CADM2: variants seen among roughly 807,000 people sequenced by gnomAD.
CADM2 encodes cell adhesion molecule 2, also known as immunoglobulin superfamily member 4D.
A neutral mutation model predicts 49.8 loss-of-function variants in CADM2; 12 were observed. That is an observed-to-expected ratio of 0.24 (90% confidence interval 0.15 to 0.39). The LOEUF (loss-of-function observed/expected upper bound fraction) is 0.39, where lower values mean the gene tolerates loss of function less well. CADM2 is among the 10% of genes least tolerant of loss of function. The pLI, the probability that CADM2 is intolerant of heterozygous loss-of-function variation, is 1.00. For synonymous variants in CADM2, 214 were observed against 175.4 expected (o/e 1.22, Z -1.74); for missense variants, 378 against 492.3 (o/e 0.77, Z 2.20).
At chr3:85,305,018 C>G (rs1177811189) in intron 1 of CADM2, among the ~76,000 whole-genome samples, 1 of 151,646 alleles carries the variant, frequency 6.6e-6, no homozygotes, top group African/African-American at 2.4e-5. Context: ...TAGCAATTGA[C>G]AGTTTACAGA....
chr3:85,645,079 ATTC>A (rs1694828293), intron 1 of CADM2, among the ~76,000 whole-genome samples: 1 of 152,098 alleles, frequency 6.6e-6, no homozygotes, highest in South Asian at 2.1e-4. Flanking sequence ...TTATAAGCCC[ATTC>A]TTCTCTTTTC....
chr3:85,530,915 A>C lies in CADM2; in HGVS notation c.62-195607A>C, dbSNP rs867026553. 4.2e-3 allele frequency among the ~76,000 whole-genome samples: 426 copies of C among 102,444 alleles called. 1 individual carries two copies. The highest frequency in any genetic ancestry group is 0.027 in the Middle Eastern group (6 of 224). The allele number at this position is 102,444 out of a possible 152,430, so 67.2% of individuals were successfully genotyped here. Reference sequence around the variant, plus strand: ...ACACACACACACACACACACACACAAAATTCATTATTGTGGAATGTCAGGG... The same window carrying C: ...ACACACACACACACACACACACACACAATTCATTATTGTGGAATGTCAGGG... On this transcript the variant is annotated intron_variant, in intron 1 of 9. Coordinates refer to ENST00000383699, the MANE Select transcript of CADM2 (RefSeq NM_001167675.2).
intron 1 of CADM2, among the ~76,000 whole-genome samples, chr3:85,685,992 G>T (rs1342159171): frequency 6.6e-6 from 1 of 152,128 alleles, no homozygotes; most frequent in East Asian, 1.9e-4. Flanking sequence ...GATTTTACGT[G>T]GCTATAGAGA....
chr3:85,017,721 T>G (rs1478385832), intron 1 of CADM2, among the ~76,000 whole-genome samples: 1 of 152,196 alleles, frequency 6.6e-6, no homozygotes, highest in African/African-American at 2.4e-5. Flanking sequence ...CTTGGGAACA[T>G]AATACATTTC....
chr3:85,747,250 A>G (rs2068653880), intron 2 of CADM2, among the ~76,000 whole-genome samples: 2 of 152,070 alleles, frequency 1.3e-5, no homozygotes, highest in Admixed American at 6.6e-5. Context: ...TGCATTCTTC[A>G]TCTATGAAGC....
intron 1 of CADM2, among the ~76,000 whole-genome samples, chr3:85,452,390 A>G (rs1161413189): frequency 6.6e-6 from 1 of 152,210 alleles, no homozygotes; most frequent in Non-Finnish European, 1.5e-5. Flanking sequence ...TTAAAGAGAA[A>G]GTAGAGAAGG....
intron 1 of CADM2, among the ~76,000 whole-genome samples, chr3:85,634,001 T>G (rs2064387118): frequency 6.6e-6 from 1 of 151,978 alleles, no homozygotes; most frequent in Admixed American, 6.6e-5. Context: ...GATCGGAGTT[T>G]TGGAATAATA....
intron 1 of CADM2, among the ~76,000 whole-genome samples, chr3:85,343,943 C>T (rs979991916): frequency 6.6e-6 from 1 of 152,132 alleles, no homozygotes; most frequent in Non-Finnish European, 1.5e-5. Context: ...TCTTTAGACA[C>T]TGCAAAGTGC....
At chr3:84,992,546 T>G (rs1390952537) in intron 1 of CADM2, among the ~76,000 whole-genome samples, 1 of 152,050 alleles carries the variant, frequency 6.6e-6, no homozygotes. Context: ...GTAGAATCAC[T>G]TGAACCCAGG....
At chr3:85,400,713 C>CTA (rs1265817128) in intron 1 of CADM2, among the ~76,000 whole-genome samples, 2 of 37,242 alleles carry the variant, frequency 5.4e-5, no homozygotes, top group African/African-American at 1.5e-4. Flanking sequence ...TCAGTTTCTT[C>CTA]TAGTTTCTAG....
At chr3:85,984,559 T>C (rs925988028) in intron 8 of CADM2, among the ~76,000 whole-genome samples, 1 of 151,720 alleles carries the variant, frequency 6.6e-6, no homozygotes, top group Non-Finnish European at 1.5e-5. Context: ...GGACAGAAAA[T>C]TTTCTAAGCT....
chr3:85,580,255 G>T (rs757977841), intron 1 of CADM2, among the ~76,000 whole-genome samples: 5 of 152,050 alleles, frequency 3.3e-5, no homozygotes, highest in Non-Finnish European at 7.4e-5. Context: ...ATATGCAGGA[G>T]GACAGTATCT....
chr3:85,475,227 T>G (rs1349317895), intron 1 of CADM2, among the ~76,000 whole-genome samples: 3 of 151,904 alleles, frequency 2.0e-5, no homozygotes, highest in Non-Finnish European at 4.4e-5. Flanking sequence ...ATTAGATAAT[T>G]GAGGTACTCA....
rs1479496478 is a variant in CADM2, at chr3:85,780,649, A to C, written c.89-21398A>C. On this transcript the variant is annotated intron_variant, in intron 2 of 9. Transcript: ENST00000383699. ...AAAGTCCCTCAGGCATATGTTGATC[A>C]GTCCTCCTGGATATGCTTCTGATCT... Among the ~76,000 whole-genome samples the C allele has an allele frequency of 2.6e-5, 4 of 152,168 alleles. No individual in the cohort carries two copies. The South Asian group carries it at 8.3e-4, about 32-fold the overall frequency.
At chr3:85,213,780 C>T (rs1437889036) in intron 1 of CADM2, among the ~76,000 whole-genome samples, 5 of 151,832 alleles carry the variant, frequency 3.3e-5, no homozygotes, top group Non-Finnish European at 7.4e-5. Flanking sequence ...TCCTTTGTCT[C>T]CTCTGTGTAT....
chr3:85,506,027 G>C (rs1008429766), intron 1 of CADM2, among the ~76,000 whole-genome samples: 2 of 152,072 alleles, frequency 1.3e-5, no homozygotes, highest in Non-Finnish European at 2.9e-5. Context: ...CCTTTTGTTT[G>C]ATAAGGCAAA....
chr3:85,404,559 T>C (rs577288193), intron 1 of CADM2, among the ~76,000 whole-genome samples: 2 of 152,284 alleles, frequency 1.3e-5, no homozygotes, highest in African/African-American at 2.4e-5. Flanking sequence ...TTTCTCCAGC[T>C]AGCTATTAAT....
intron 3 of CADM2, among the ~76,000 whole-genome samples, chr3:85,807,336 T>TA (rs1263630126): frequency 6.6e-6 from 1 of 151,776 alleles, no homozygotes; most frequent in Non-Finnish European, 1.5e-5. Flanking sequence ...CCATCTCTAC[T>TA]AAAAATACAA....
chr3:85,565,861 C>G (rs975634883), intron 1 of CADM2, among the ~76,000 whole-genome samples: 1 of 145,990 alleles, frequency 6.8e-6, no homozygotes, highest in African/African-American at 2.4e-5. Flanking sequence ...CTAAACCCTT[C>G]CATCGTTTTC....
Sources: gnomAD v4.1 joint callset for allele counts (sites outside exome capture counted in the v4.1 genomes callset) on GRCh38, gnomAD v4.1.1 for gene constraint, MANE v1.5 for transcripts, NCBI Gene and HGNC (gene_info 2026-07-23, HGNC 2026-07-21) for gene names.